Variants in GAS2 observed in about 807,000 individuals in gnomAD.
GAS2 encodes growth arrest specific 2.
GAS2 carries 20 observed loss-of-function variants against 37.5 expected under a neutral mutation model. That is an observed-to-expected ratio of 0.53 (90% CI 0.37 to 0.77). The LOEUF is 0.77. Ranked by LOEUF, GAS2 falls within the 30% of genes least tolerant of loss-of-function variation. The pLI is 0.00. For synonymous variants in GAS2, 144 were observed against 132.2 expected, an observed-to-expected ratio of 1.09 and a Z score of -0.61; for missense variants, 336 against 373.4, an observed-to-expected ratio of 0.90 and a Z score of 0.82.
intron 6 of GAS2, 85 bp from the exon 7 acceptor site, chr11:22,755,761 T>C (rs1257911306): frequency 2.3e-6 from 2 of 859,578 alleles, no homozygotes; most frequent in Non-Finnish European, 3.8e-6. Flanking sequence ...TCATTAAGGG[T>C]TCAGGGGCCG....
At chr11:22,631,537 C>T (rs1319573910) in intron 1 of GAS2, among the ~76,000 whole-genome samples, 2 of 151,988 alleles carry the variant, frequency 1.3e-5, no homozygotes, top group African/African-American at 4.8e-5. Context: ...TAAAGGGATG[C>T]TGGATTTTAT....
At position 22,811,897 on chromosome 11, in the gene GAS2, T is replaced by C. The variant is rs1224956023; in HGVS notation, c.823T>C (p.Ser275Pro). 6.2e-7 allele frequency: 1 copy of C among 1,614,030 alleles called. No homozygotes were observed. The highest frequency in any genetic ancestry group is 1.3e-5 in the African/African-American group (1 of 74,908). ...KHDPCRMLQI[S>P]RVDGKTSPIQ... ...CGACCCCTGCCGAATGCTGCAGATC[T>C]CCCGTGTGGATGGCAAAACATCCCC... is the stretch of plus-strand genomic sequence containing the variant. Residue 275 changes from serine (S) to proline (P), a missense_variant, in exon 8 of 8, where the codon TCC becomes CCC. Coordinates refer to ENST00000454584, the MANE Select transcript of GAS2 (RefSeq NM_001143830.3).
At chr11:22,725,313 G>T (rs1421608896) in intron 3 of GAS2, among the ~76,000 whole-genome samples, 1 of 152,076 alleles carries the variant, frequency 6.6e-6, no homozygotes, top group African/African-American at 2.4e-5. Flanking sequence ...AAATGATGCA[G>T]AATGTAAACC....
intron 1 of GAS2, among the ~76,000 whole-genome samples, chr11:22,661,446 G>A (rs1487383787): frequency 6.6e-6 from 1 of 152,180 alleles, no homozygotes; most frequent in Non-Finnish European, 1.5e-5. Flanking sequence ...TCACAATTTG[G>A]TAAGTGAGAT....
intron 6 of GAS2, among the ~76,000 whole-genome samples, chr11:22,749,605 G>C (rs1853619963): frequency 6.6e-6 from 1 of 151,964 alleles, no homozygotes; most frequent in Non-Finnish European, 1.5e-5. Flanking sequence ...AAGATCTTGA[G>C]GATTGTTAAA....
chr11:22,707,189 A>T (rs1280885738), intron 3 of GAS2, among the ~76,000 whole-genome samples: 1 of 152,106 alleles, frequency 6.6e-6, no homozygotes, highest in Non-Finnish European at 1.5e-5. Context: ...ACACAGATGG[A>T]TAGTAGTGCT....
At chr11:22,749,371 G>A in intron 6 of GAS2, 110 bp downstream of exon 6, 3 of 1,037,524 alleles carry the variant, frequency 2.9e-6, no homozygotes, top group South Asian at 2.0e-5. Flanking sequence ...CAATTTTCTT[G>A]AAATGTATTT....
intron 2 of GAS2, among the ~76,000 whole-genome samples, chr11:22,675,397 G>A (rs1400143832): frequency 6.6e-6 from 1 of 152,200 alleles, no homozygotes; most frequent in South Asian, 2.1e-4. Context: ...GGATTTCTTT[G>A]CCCTACTTTT....
intron 5 of GAS2, among the ~76,000 whole-genome samples, chr11:22,739,982 A>G (rs1852984348): frequency 6.6e-6 from 1 of 151,966 alleles, no homozygotes; most frequent in South Asian, 2.1e-4. Flanking sequence ...TATATATTAT[A>G]TTAAATGAGC....
At chr11:22,768,441 A>T (rs1854807416) in intron 7 of GAS2, among the ~76,000 whole-genome samples, 1 of 152,176 alleles carries the variant, frequency 6.6e-6, no homozygotes, top group Admixed American at 6.5e-5. Context: ...CCAGCTTTTC[A>T]TGCCAACTTC....
intron 7 of GAS2, among the ~76,000 whole-genome samples, chr11:22,765,178 G>A (rs1314186936): frequency 6.6e-6 from 1 of 152,032 alleles, no homozygotes; most frequent in Non-Finnish European, 1.5e-5. Flanking sequence ...GTGATGTTGT[G>A]TGTGTGTATA....
intron 7 of GAS2, among the ~76,000 whole-genome samples, chr11:22,799,863 C>T (rs1390052424): frequency 1.3e-5 from 2 of 151,926 alleles, no homozygotes; most frequent in African/African-American, 4.8e-5. Flanking sequence ...GCTAGGCACC[C>T]AGGGTATGAA....
intron 5 of GAS2, among the ~76,000 whole-genome samples, chr11:22,744,355 C>T (rs1218224115): frequency 6.6e-6 from 1 of 152,028 alleles, no homozygotes; most frequent in Non-Finnish European, 1.5e-5. Flanking sequence ...AAAAAGAAAA[C>T]TACAGGCCAA....
chr11:22,649,836 C>CT (rs1848750603), intron 1 of GAS2, among the ~76,000 whole-genome samples: 1 of 151,802 alleles, frequency 6.6e-6, no homozygotes, highest in South Asian at 2.1e-4. Context: ...TGCTAGTGGT[C>CT]TATCAATTTT....
At chr11:22,811,591 T>C (rs542724194) in intron 7 of GAS2, among the ~76,000 whole-genome samples, 8 of 151,332 alleles carry the variant, frequency 5.3e-5, no homozygotes, top group African/African-American at 2.0e-4. Flanking sequence ...AGCTGGGTTC[T>C]GGAGATGTTT....
chr11:22,718,556 G>A (rs1223946371), intron 3 of GAS2, among the ~76,000 whole-genome samples: 5 of 151,762 alleles, frequency 3.3e-5, no homozygotes, highest in African/African-American at 1.2e-4. Flanking sequence ...AGCACAATGG[G>A]TACATTGTAC....
At chr11:22,679,918 C>A (rs909849696) in intron 2 of GAS2, among the ~76,000 whole-genome samples, 1 of 152,046 alleles carries the variant, frequency 6.6e-6, no homozygotes, top group Non-Finnish European at 1.5e-5. Flanking sequence ...GTAATTTTCC[C>A]TTTCTTTGAG....
intron 3 of GAS2, among the ~76,000 whole-genome samples, chr11:22,689,772 T>C (rs901064142): frequency 2.0e-5 from 3 of 152,214 alleles, no homozygotes; most frequent in Admixed American, 6.5e-5. Flanking sequence ...GGCTTTCAAA[T>C]TGAGTATAAA....
At chr11:22,627,409 A>G (rs905919139) in intron 1 of GAS2, among the ~76,000 whole-genome samples, 3 of 152,204 alleles carry the variant, frequency 2.0e-5, no homozygotes, top group Admixed American at 2.0e-4. Context: ...CTCAAATGTG[A>G]TAGTAGGATG....
Sources: allele counts gnomAD v4.1 joint callset (sites outside exome capture counted in the v4.1 genomes callset), GRCh38; gene constraint gnomAD v4.1.1; transcripts MANE v1.5; gene names NCBI Gene and HGNC (gene_info 2026-07-23, HGNC 2026-07-21).